The following LRBA variants were observed in gnomAD, a reference collection of about 807,000 sequenced individuals.
LRBA encodes LPS responsive beige-like anchor protein, also known as lipopolysaccharide-responsive and beige-like anchor protein.
LRBA carries 176 observed loss-of-function variants against 330.0 expected under a neutral mutation model. That is an observed-to-expected ratio of 0.53 (90% CI 0.47 to 0.60). LRBA has a LOEUF of 0.60. Ranked by LOEUF, LRBA falls within the 20% of genes least tolerant of loss-of-function variation. The pLI, the probability that LRBA is intolerant of heterozygous loss-of-function variation, is 0.00. For missense variants in LRBA, 3,259 were observed against 3,444.8 expected (o/e 0.95, Z 1.35); for synonymous variants, 1,230 against 1,193.0 (o/e 1.03, Z -0.64).
chr4:150,972,177 A>C (rs1041946179), intron 2 of LRBA, among the ~76,000 whole-genome samples: 1 of 152,308 alleles, frequency 6.6e-6, no homozygotes, highest in Middle Eastern at 3.4e-3. Flanking sequence ...TAAAGGATTA[A>C]TCATAAAACT....
At chr4:150,269,275 G>T (rs1184122344) in intron 56 of LRBA, among the ~76,000 whole-genome samples, 1 of 152,184 alleles carries the variant, frequency 6.6e-6, no homozygotes, top group Non-Finnish European at 1.5e-5. Context: ...CAATGCGACA[G>T]TAATCAAAAC....
Position 150,307,337 on chromosome 4 carries a change from G to C in LRBA, c.7849+2892C>G, listed in dbSNP as rs149264371. Reference sequence around the variant, plus strand: ...GGGGGCGCTCTGCACCTTGATTGTGGTGGTGGTGAATTACTCTATGGTTTG... The same window carrying C: ...GGGGGCGCTCTGCACCTTGATTGTGCTGGTGGTGAATTACTCTATGGTTTG... On this transcript the variant is annotated intron_variant, in intron 52 of 56. Coordinates refer to ENST00000651943, the MANE Select transcript of LRBA (RefSeq NM_001364905.1). 5.5e-3 allele frequency among the ~76,000 whole-genome samples: 835 copies of C among 152,076 alleles called. 4 individuals are homozygous for C. The highest frequency in any genetic ancestry group is 8.4e-3 in the Non-Finnish European group (571 of 67,990).
intron 46 of LRBA, among the ~76,000 whole-genome samples, chr4:150,432,390 T>TATA (rs34822495): frequency 0.76 from 114,042 of 149,546 alleles, 46,979 homozygotes; most frequent in Non-Finnish European, 0.92. Context: ...CCACCTGAAA[T>TATA]ATGTGATAGC....
intron 35 of LRBA, among the ~76,000 whole-genome samples, chr4:150,741,870 T>C (rs1423409704): frequency 3.3e-5 from 5 of 152,066 alleles, no homozygotes; most frequent in African/African-American, 1.2e-4. Flanking sequence ...CCTTCAGTGC[T>C]ACCTCTCCAT....
Position 150,630,882 on chromosome 4 carries a change from A to AT in LRBA, c.5922-31752dup, listed in dbSNP as rs544167172. ...TTAGAAATATTTCCATCATTATGTG[A>AT]TTTTTGTTGCCTAAAACTATCTTAA... is the stretch of plus-strand genomic sequence containing the variant. On this transcript the variant is annotated intron_variant, in intron 37 of 56. Coordinates refer to ENST00000651943, the MANE Select transcript of LRBA (RefSeq NM_001364905.1). Among the ~76,000 whole-genome samples the AT allele has an allele frequency of 2.9e-3, 441 of 152,238 alleles. 2 individuals are homozygous for AT. Among genetic ancestry groups the AT allele is most frequent in the African/African-American group, 0.01 (425 of 41,554 alleles).
At position 151,014,527 on chromosome 4, in the gene LRBA, A is replaced by G. The variant is rs1345711760; in HGVS notation, c.116T>C (p.Leu39Pro). The G allele has an allele frequency of 1.2e-6, 2 of 1,614,004 alleles. No individual in the cohort carries two copies. The highest frequency in any genetic ancestry group is 4.5e-5 in the East Asian group (2 of 44,902). The stretch of plus-strand genomic sequence containing the variant: ...TTTCATTCTGATGCCCCTGATGGGG[A>G]GCCCTGGTTTCAGAGACAATGCACC... The part of the protein sequence containing the change: ...EGGALSLKPG[L>P]PIRGIRMKFA... Residue 39 changes from leucine (L) to proline (P), a missense_variant, in exon 2 of 57, where the codon CTC becomes CCC. Coordinates refer to ENST00000651943, the MANE Select transcript of LRBA (RefSeq NM_001364905.1).
At chr4:150,467,811 AT>A (rs777754754) in intron 43 of LRBA, 26 bp from the exon 44 acceptor site, 1 of 1,057,888 alleles carries the variant, frequency 9.5e-7, no homozygotes, top group Non-Finnish European at 1.4e-6. Context: ...GTTACTCGTA[AT>A]TTATAATTTT....
chr4:150,389,983 A>T (rs1297050615), intron 47 of LRBA, among the ~76,000 whole-genome samples: 4 of 133,184 alleles, frequency 3.0e-5, no homozygotes, highest in African/African-American at 1.1e-4. Context: ...ATCAATATTT[A>T]TTCAGAAAAG....
Position 150,906,457 on chromosome 4 carries a change from A to T in LRBA, c.1494-52T>A, listed in dbSNP as rs538104202. ...TAAAAAAACATATTCTATTTTTTTT[A>T]AATTAGGTTAGATAGATGTAACCCT... On this transcript the variant is annotated intron_variant, in intron 11 of 56. Coordinates refer to ENST00000651943, the MANE Select transcript of LRBA (RefSeq NM_001364905.1). 9.1e-5 allele frequency: 94 copies of T among 1,031,430 alleles called. 1 individual carries two copies. Among genetic ancestry groups the T allele is most frequent in the Middle Eastern group, 8.5e-4 (4 of 4,720 alleles). 63.9% of individuals were successfully genotyped at this position (1,031,430 alleles called of 1,614,324 possible).
intron 37 of LRBA, among the ~76,000 whole-genome samples, chr4:150,605,988 G>A (rs1345755759): frequency 6.6e-6 from 1 of 152,006 alleles, no homozygotes; most frequent in Non-Finnish European, 1.5e-5. Flanking sequence ...TGAGACACTG[G>A]AGTATCATAT....
intron 34 of LRBA, among the ~76,000 whole-genome samples, chr4:150,776,418 C>A (rs896020370): frequency 8.5e-5 from 13 of 152,088 alleles, no homozygotes; most frequent in Non-Finnish European, 1.5e-4. Context: ...GAATCAATCA[C>A]GGGGAAGAGG....
At chr4:150,810,441 C>A (rs1035801280) in intron 31 of LRBA, among the ~76,000 whole-genome samples, 1 of 148,954 alleles carries the variant, frequency 6.7e-6, no homozygotes, top group Non-Finnish European at 1.5e-5. Context: ...CTTTATATAC[C>A]GGAAGTTTTG....
At chr4:150,630,509 CAT>C (rs962670219) in intron 37 of LRBA, among the ~76,000 whole-genome samples, 1 of 148,120 alleles carries the variant, frequency 6.8e-6, no homozygotes, top group African/African-American at 2.5e-5. Context: ...GTAATCATGT[CAT>C]ATGTGATATG....
chr4:150,938,354 T>C (rs979563156), intron 2 of LRBA, among the ~76,000 whole-genome samples: 3 of 152,184 alleles, frequency 2.0e-5, no homozygotes, highest in African/African-American at 7.2e-5. Context: ...TTACCTTGTA[T>C]ATGTTTACAG....
intron 36 of LRBA, among the ~76,000 whole-genome samples, chr4:150,728,912 C>G (rs1381743245): frequency 6.6e-6 from 1 of 152,130 alleles, no homozygotes; most frequent in Non-Finnish European, 1.5e-5. Context: ...GTCAAATTAT[C>G]TTTATTTGCA....
intron 28 of LRBA, among the ~76,000 whole-genome samples, chr4:150,843,110 AC>A (rs1394317087): frequency 6.6e-6 from 1 of 151,982 alleles, no homozygotes; most frequent in Admixed American, 6.6e-5. Flanking sequence ...TGCTCACCTC[AC>A]CTCCTGCTGT....
chr4:150,837,443 G>C (rs953019039), intron 28 of LRBA, among the ~76,000 whole-genome samples: 1 of 152,080 alleles, frequency 6.6e-6, no homozygotes, highest in African/African-American at 2.4e-5. Flanking sequence ...TCTCTTTCTA[G>C]GTCTCTAAGG....
chr4:150,322,491 C>T (rs1051835057), intron 49 of LRBA, among the ~76,000 whole-genome samples: 2 of 152,100 alleles, frequency 1.3e-5, no homozygotes, highest in African/African-American at 4.8e-5. Context: ...TTCCTTCTGC[C>T]ATATTTCAAA....
chr4:150,981,810 A>C (rs1740873636), intron 2 of LRBA, among the ~76,000 whole-genome samples: 1 of 151,968 alleles, frequency 6.6e-6, no homozygotes, highest in Non-Finnish European at 1.5e-5. Context: ...AATACAAAAA[A>C]TTAGCCGGGC....
Sources: allele counts gnomAD v4.1 joint callset (sites outside exome capture counted in the v4.1 genomes callset), GRCh38; gene constraint gnomAD v4.1.1; transcripts MANE v1.5; gene names NCBI Gene and HGNC (gene_info 2026-07-23, HGNC 2026-07-21).